Variants in MPP3 observed in about 807,000 individuals in gnomAD.
The protein encoded by MPP3 is MAGUK p55 scaffold protein 3, also known as MAGUK p55 subfamily member 3.
A neutral mutation model predicts 80.7 loss-of-function variants in MPP3; 48 were observed. The observed-to-expected ratio is 0.59, with a 90% CI of 0.47 to 0.76. MPP3 has a LOEUF of 0.76. Ranked by LOEUF, MPP3 falls within the 30% of genes least tolerant of loss-of-function variation. The probability of loss-of-function intolerance (pLI) is 0.00; values close to 1 mark genes in which losing one functional copy is unlikely to be tolerated. For synonymous variants in MPP3, 311 were observed against 297.6 expected, an observed-to-expected ratio of 1.04 and a Z score of -0.46; for missense variants, 620 against 763.0, an observed-to-expected ratio of 0.81 and a Z score of 2.21.
intron 10 of MPP3, 64 bp downstream of exon 10, chr17:43,823,867 C>T: frequency 2.5e-6 from 3 of 1,187,850 alleles, no homozygotes; most frequent in South Asian, 1.3e-5. Context: ...CTGGATCCAG[C>T]CCCCAGCCAG....
chr17:43,817,938 G>T, intron 12 of MPP3, 108 bp downstream of exon 12: 5 of 756,698 alleles, frequency 6.6e-6, no homozygotes, highest in Non-Finnish European at 1.0e-5. Flanking sequence ...GCTCAGACAA[G>T]ACCCCTGATG....
intron 9 of MPP3, 75 bp downstream of exon 9, chr17:43,825,681 G>T: frequency 1.9e-6 from 2 of 1,032,002 alleles, no homozygotes. Context: ...GCCAGAATCT[G>T]TCCTGGCTCC....
At chr17:43,822,401 A>G (rs1288972351) in intron 10 of MPP3, among the ~76,000 whole-genome samples, 1 of 152,060 alleles carries the variant, frequency 6.6e-6, no homozygotes, top group African/African-American at 2.4e-5. Flanking sequence ...AAAAACTGGC[A>G]TGCTTCCTTC....
In MPP3 at chr17:43,810,805, A is replaced by C; in HGVS notation, c.1458+2T>G. ...AAATGGCCAGCAGGCCCAGCAACTC[A>C]CTTCTGGCTCCACATCCACCAAACA... On this transcript the variant is annotated splice_donor_variant, in intron 18 of 19. Transcript: ENST00000398389. LOFTEE classifies it high-confidence loss of function. 6.3e-7 allele frequency: 1 copy of C among 1,596,206 alleles called. No individual in the cohort carries two copies. Among genetic ancestry groups the C allele is most frequent in the Non-Finnish European group, 8.5e-7 (1 of 1,172,594 alleles).
chr17:43,829,522 G>T, intron 7 of MPP3, 132 bp downstream of exon 7: 1 of 1,053,514 alleles, frequency 9.5e-7, no homozygotes, highest in Non-Finnish European at 1.4e-6. Flanking sequence ...GCACCACAGG[G>T]ATGAGCAGCA....
At chr17:43,816,199 C>T in intron 13 of MPP3, 120 bp from the exon 14 acceptor site, 1 of 837,450 alleles carries the variant, frequency 1.2e-6, no homozygotes, top group Non-Finnish European at 1.8e-6. Context: ...TCGTGGGGAG[C>T]TCAGGGGAAA....
At chr17:43,816,633 A>G (rs934965283) in intron 13 of MPP3, 44 bp downstream of exon 13, 4 of 1,551,382 alleles carry the variant, frequency 2.6e-6, no homozygotes, top group African/African-American at 2.7e-5. Context: ...CGTTCCACGG[A>G]AAAGGGGCCA....
intron 2 of MPP3, 72 bp from the exon 3 acceptor site, chr17:43,832,015 C>G: frequency 2.1e-6 from 2 of 931,770 alleles, no homozygotes; most frequent in Non-Finnish European, 3.4e-6. Context: ...GACTACACAT[C>G]TACTGTGTTC....
chr17:43,813,383 A>G (rs967280843), intron 16 of MPP3, among the ~76,000 whole-genome samples: 8 of 152,134 alleles, frequency 5.3e-5, no homozygotes, highest in Admixed American at 5.2e-4. Context: ...GGCACTACAC[A>G]TAAAAGCTCT....
chr17:43,830,174 T>G, intron 5 of MPP3, 67 bp from the exon 6 acceptor site: 1 of 1,255,508 alleles, frequency 8.0e-7, no homozygotes, highest in African/African-American at 1.5e-5. Flanking sequence ...GCTGGGTCCT[T>G]CCTCTTTGGA....
At chr17:43,832,200 A>C in intron 2 of MPP3, 1 of 498,168 alleles carries the variant, frequency 2.0e-6, no homozygotes, top group South Asian at 2.9e-5. Flanking sequence ...AATGACTGCG[A>C]ATGTTCCCAT....
Position 43,805,568 on chromosome 17 carries a change from T to C in MPP3, c.1581+3388A>G, listed in dbSNP as rs4793034. On this transcript the variant is annotated intron_variant, in intron 19 of 19. Transcript: ENST00000398389. ...ATCTAAATGTCCATTAATCGATAAA[T>C]GGGTAAACAAAATGTGGTACTCTAT... Among the ~76,000 whole-genome samples the C allele has an allele frequency of 5.1e-3, 769 of 152,240 alleles. 19 individuals are homozygous for C. The East Asian group carries it at 0.068, about 13-fold the overall frequency.
chr17:43,819,333 T>C (rs1257700343), intron 11 of MPP3, among the ~76,000 whole-genome samples: 3 of 152,148 alleles, frequency 2.0e-5, no homozygotes, highest in Non-Finnish European at 4.4e-5. Flanking sequence ...AAAGAAATAA[T>C]TTGAAACATG....
At chr17:43,832,022 G>A (rs766354386) in intron 2 of MPP3, 79 bp from the exon 3 acceptor site, 1 of 889,248 alleles carries the variant, frequency 1.1e-6, no homozygotes, top group Non-Finnish European at 1.8e-6. Context: ...CATCTACTGT[G>A]TTCTCTGAGA....
chr17:43,810,690 C>G (rs2044815015), intron 18 of MPP3, 117 bp downstream of exon 18: 1 of 686,504 alleles, frequency 1.5e-6, no homozygotes, highest in Non-Finnish European at 2.5e-6. Flanking sequence ...AGAAATTGAA[C>G]AGCCAGTGTT....
chr17:43,829,196 T>C (rs993432095), intron 7 of MPP3, among the ~76,000 whole-genome samples: 3 of 152,214 alleles, frequency 2.0e-5, no homozygotes, highest in African/African-American at 7.2e-5. Context: ...ACGTTTTCTA[T>C]AAGGGGCCAC....
intron 18 of MPP3, 126 bp from the exon 19 acceptor site, chr17:43,809,204 G>C: frequency 9.8e-7 from 1 of 1,016,698 alleles, no homozygotes; most frequent in African/African-American, 1.7e-5. Flanking sequence ...TGGTTACATG[G>C]GTCCCATGAC....
At chr17:43,826,950 C>G (rs2143096058) in intron 8 of MPP3, among the ~76,000 whole-genome samples, 1 of 151,948 alleles carries the variant, frequency 6.6e-6, no homozygotes, top group East Asian at 1.9e-4. Flanking sequence ...ATCTTCCTGC[C>G]TGGGCCTCCC....
intron 12 of MPP3, 51 bp downstream of exon 12, chr17:43,817,995 C>T (rs751690658): frequency 2.5e-5 from 38 of 1,505,850 alleles, no homozygotes; most frequent in African/African-American, 2.8e-5. Flanking sequence ...AATCCTCCCT[C>T]GCCCTAACCC....
Sources: gnomAD v4.1 joint callset for allele counts (sites outside exome capture counted in the v4.1 genomes callset) on GRCh38, gnomAD v4.1.1 for gene constraint, MANE v1.5 for transcripts, NCBI Gene and HGNC (gene_info 2026-07-23, HGNC 2026-07-21) for gene names.